Variants in CD248 observed in about 807,000 individuals in gnomAD.
The protein encoded by CD248 is endosialin.
A neutral mutation model predicts 8.0 loss-of-function variants in CD248; 7 were observed. That is an observed-to-expected ratio of 0.88 (90% CI 0.50 to 1.64). The LOEUF is 1.64. Among genes scored for constraint, CD248 ranks in the 40% most tolerant of loss-of-function variants. The pLI is 0.00. For synonymous variants in CD248, 418 were observed against 437.1 expected (o/e 0.96, Z 0.54); for missense variants, 912 against 1,027.2 (o/e 0.89, Z 1.53).
In CD248 at chr11:66,315,353, T is replaced by C; in HGVS notation, c.1675A>G (p.Thr559Ala). The C allele has an allele frequency of 6.3e-7, 1 of 1,591,706 alleles. No homozygotes were observed. The highest frequency in any genetic ancestry group is 8.6e-7 in the Non-Finnish European group (1 of 1,166,668). Residue 559 changes from threonine to alanine, a missense_variant, in exon 1 of 1, where the codon ACC becomes GCC. By Grantham distance (58) the Thr-to-Ala change is moderately conservative. Transcript: ENST00000311330. The surrounding 1 kb of genome is among the most constrained non-coding windows in gnomAD (Gnocchi z 4.3). ...GGGGGTAGCTGGGCACCGAGGGTGG[T>C]GACCAGAGGGGCATGGTTAGGTGGG... ...GIPPNHAPLV[T>A]TLGAQLPPQA...
In CD248 at chr11:66,315,808, G is replaced by C; in HGVS notation, c.1220C>G (p.Ala407Gly). Residue 407 changes from alanine (A) to glycine (G), a missense_variant, in exon 1 of 1, where the codon GCC becomes GGC. Coordinates refer to ENST00000311330, the MANE Select transcript of CD248 (RefSeq NM_020404.3). This position sits in a 1 kb window ranked among gnomAD's most constrained non-coding sequence, Gnocchi z 4.3. ...WMEPTQPPDF[A>G]LAYRPSFPED... ...TGGGAAGCTCGGTCTATAGGCCAGG[G>C]CAAAGTCAGGCGGCTGCGTAGGCTC... The C allele has an allele frequency of 6.2e-7, 1 of 1,613,950 alleles. No individual in the cohort carries two copies. Among genetic ancestry groups the C allele is most frequent in the Non-Finnish European group, 8.5e-7 (1 of 1,179,962 alleles).
chr11:66,316,276 T>C lies in CD248; in HGVS notation c.752A>G (p.Asp251Gly). Residue 251 changes from aspartate to glycine, a missense_variant, in exon 1 of 1, where the codon GAT becomes GGT. By Grantham distance (94) the Asp-to-Gly change is moderately conservative. Transcript: ENST00000311330. ...GCEHECVEEV[D>G]GHVSCRCTEG... is the part of the protein sequence containing the mutation. ...AGTGCAGCGGCAGGACACGTGACCA[T>C]CCACCTCCTCCACACATTCGTGTTC... The C allele has an allele frequency of 6.2e-7, 1 of 1,613,216 alleles. No individual in the cohort carries two copies. The highest frequency in any genetic ancestry group is 8.5e-7 in the Non-Finnish European group (1 of 1,179,814).
Position 66,315,206 on chromosome 11 carries a change from C to T in CD248, c.1822G>A (p.Val608Met). ...GCTGCGGGCTGGGTGGCAGCAGGCA[C>T]AGAGATTTGATGGGCAGGAGACACA... ...SPVSPAHQIS[V>M]PAATQPAALP... The change falls in exon 1 of 1, where the codon GTG becomes ATG. Residue 608 changes from valine (V) to methionine (M), a missense_variant. Physicochemically the swap from Val to Met is conservative, Grantham distance 21. Transcript: ENST00000311330. The surrounding 1 kb of genome is among the most constrained non-coding windows in gnomAD (Gnocchi z 4.3). The T allele has an allele frequency of 2.6e-6, 4 of 1,528,430 alleles. No homozygotes were observed. Among genetic ancestry groups the T allele is most frequent in the Non-Finnish European group, 3.5e-6 (4 of 1,140,898 alleles). The allele number at this position is 1,528,430 out of a possible 1,614,324, so 94.7% of individuals were successfully genotyped here.
rs755022134 is a variant in CD248, at chr11:66,316,530, C to T, written c.498G>A (p.Ala166=). The T allele has an allele frequency of 3.1e-6, 5 of 1,598,930 alleles. No homozygotes were observed. The highest frequency in any genetic ancestry group is 2.2e-5 in the South Asian group (2 of 90,960). ...CQFGFEGACP[A]LQDEAGQAGP... Reference sequence around the variant, plus strand: ...CGGCCTGGCCCGCCTCATCTTGCAGCGCCGGGCAGGCGCCCTCGAAGCCAA... The same window carrying T: ...CGGCCTGGCCCGCCTCATCTTGCAGTGCCGGGCAGGCGCCCTCGAAGCCAA... The change falls in exon 1 of 1, where the codon GCG becomes GCA. Residue 166 remains alanine, a synonymous_variant. Coordinates refer to ENST00000311330, the MANE Select transcript of CD248 (RefSeq NM_020404.3).
At position 66,316,802 on chromosome 11, in the gene CD248, C is replaced by G. The variant is rs1263460307; in HGVS notation, c.226G>C (p.Ala76Pro). The change falls in exon 1 of 1, where the codon GCG becomes CCG. Residue 76 changes from alanine to proline, a missense_variant. Coordinates refer to ENST00000311330, the MANE Select transcript of CD248 (RefSeq NM_020404.3). ...CACAGCAGCCGGCTGGCTGGGCCCGCACCCACCAGGCTGTCCACACGCTGG... is the reference window on the plus strand; with the variant it reads ...CACAGCAGCCGGCTGGCTGGGCCCGGACCCACCAGGCTGTCCACACGCTGG... ...EAQRVDSLVGAGPASRLLWIG... is the reference protein window; with the variant it reads ...EAQRVDSLVGPGPASRLLWIG... The G allele has an allele frequency of 1.2e-5, 19 of 1,588,618 alleles. No individual in the cohort carries two copies. Among genetic ancestry groups the G allele is most frequent in the Non-Finnish European group, 1.6e-5 (19 of 1,174,872 alleles).
In CD248 at chr11:66,316,500, TG is replaced by T; in HGVS notation, c.527del (p.Pro176GlnfsTer39). 1 of 1,596,098 alleles carries T rather than the reference TG, an allele frequency of 6.3e-7. No individual in the cohort carries two copies. The highest frequency in any genetic ancestry group is 8.5e-7 in the Non-Finnish European group (1 of 1,178,406). ...ALQDEAGQAG[P>X]AVYTTPFHLV... The stretch of plus-strand genomic sequence containing the variant: ...GGTGGAAGGGCGTGGTATACACGGC[TG>T]GGCCGGCCTGGCCCGCCTCATCTTG... On this transcript the variant is annotated frameshift_variant, in exon 1 of 1. Transcript: ENST00000311330. LOFTEE classifies it low-confidence loss of function (END_TRUNC).
Position 66,315,329 on chromosome 11 carries a change from G to A in CD248, c.1699C>T (p.Pro567Ser), listed in dbSNP as rs553013457. 9 of 1,572,504 alleles carry A rather than the reference G, an allele frequency of 5.7e-6. No individual in the cohort carries two copies. In the South Asian group the frequency reaches 7.2e-5, roughly 13 times the overall value. ...LVTTLGAQLP[P>S]QAPDALVLRT... ...AGGACAAGGGCATCTGGGGCTTGAG[G>A]GGGTAGCTGGGCACCGAGGGTGGTG... Residue 567 changes from proline (P) to serine (S), a missense_variant, in exon 1 of 1, where the codon CCT becomes TCT. Around this residue, in one of 3 missense-constraint regions of CD248, gnomAD observed 507 missense variants for 562.2 expected, o/e 0.90. Coordinates refer to ENST00000311330, the MANE Select transcript of CD248 (RefSeq NM_020404.3). The surrounding 1 kb of genome is among the most constrained non-coding windows in gnomAD (Gnocchi z 4.3).
Position 66,316,681 on chromosome 11 carries a change from T to C in CD248, c.347A>G (p.Asn116Ser), listed in dbSNP as rs770088737. 1 of 1,606,716 alleles carries C rather than the reference T, an allele frequency of 6.2e-7. No homozygotes were observed. Among genetic ancestry groups the C allele is most frequent in the Non-Finnish European group, 8.5e-7 (1 of 1,179,412 alleles). ...GCCTCCAGAGGCTGGCTGGGCCCAG[T>C]TGGTGAAAGCCGTGTCCTGGTCCCC... ...TTGDQDTAFT[N>S]WAQPASGGPC... Residue 116 changes from asparagine to serine, a missense_variant, in exon 1 of 1, where the codon AAC becomes AGC. This residue lies in a region of CD248 where 403 missense variants were observed against 446.2 expected (regional missense o/e 0.90). Transcript: ENST00000311330.
Position 66,316,320 on chromosome 11 carries a change from G to T in CD248, c.708C>A (p.Ser236Arg). ...CGTGTTCGCAGCCCCCGTTGTCAGGGCTGCAGCCAGTCCCCAGGCACAGGG... is the reference window on the plus strand; with the variant it reads ...CGTGTTCGCAGCCCCCGTTGTCAGGTCTGCAGCCAGTCCCCAGGCACAGGG... ...AGPLCLGTGCSPDNGGCEHEC... is the reference protein window; with the variant it reads ...AGPLCLGTGCRPDNGGCEHEC... The change falls in exon 1 of 1, where the codon AGC becomes AGA. Residue 236 changes from serine (S) to arginine (R), a missense_variant. Ser to Arg is a moderately radical substitution (Grantham distance 110). Around this residue, in one of 3 missense-constraint regions of CD248, gnomAD observed 403 missense variants for 446.2 expected, o/e 0.90. Coordinates refer to ENST00000311330, the MANE Select transcript of CD248 (RefSeq NM_020404.3). 2 of 1,612,670 alleles carry T rather than the reference G, an allele frequency of 1.2e-6. No homozygotes were observed. The highest frequency in any genetic ancestry group is 1.7e-6 in the Non-Finnish European group (2 of 1,179,700).
At position 66,316,933 on chromosome 11, in the gene CD248, C is replaced by T; in HGVS notation, c.95G>A (p.Ser32Asn). The change falls in exon 1 of 1, where the codon AGC becomes AAC. Residue 32 changes from serine to asparagine, a missense_variant. By Grantham distance (46) the Ser-to-Asn change is conservative (BLOSUM62 1). Transcript: ENST00000311330. ...CCGTGGGAAGAGAGCGTAGCAGCTG[C>T]TGGGGCCGCAGGCGGCACGGGGCTC... ...AAEPRAACGP[S>N]SCYALFPRRR... is the part of the protein sequence containing the mutation. 1 of 1,554,422 alleles carries T rather than the reference C, an allele frequency of 6.4e-7. No homozygotes were observed. Among genetic ancestry groups the T allele is most frequent in the East Asian group, 2.4e-5 (1 of 42,280 alleles).
In CD248 at chr11:66,315,836, T is replaced by C; in HGVS notation, c.1192A>G (p.Met398Val). 1 of 1,613,948 alleles carries C rather than the reference T, an allele frequency of 6.2e-7. No individual in the cohort carries two copies. The highest frequency in any genetic ancestry group is 8.5e-7 in the Non-Finnish European group (1 of 1,179,974). The part of the protein sequence containing the change: ...GWTEMPGILW[M>V]EPTQPPDFAL... ...AAGTCAGGCGGCTGCGTAGGCTCCA[T>C]CCACAGGATCCCAGGCATCTCCGTC... Residue 398 changes from methionine to valine, a missense_variant, in exon 1 of 1, where the codon ATG becomes GTG. Transcript: ENST00000311330. This position sits in a 1 kb window ranked among gnomAD's most constrained non-coding sequence, Gnocchi z 4.3.
chr11:66,315,524 A>G lies in CD248; in HGVS notation c.1504T>C (p.Ser502Pro). 1 of 1,613,982 alleles carries G rather than the reference A, an allele frequency of 6.2e-7. No homozygotes were observed. The highest frequency in any genetic ancestry group is 8.5e-7 in the Non-Finnish European group (1 of 1,179,976). ...LPSAYQPGIL[S>P]VSHSAQPPAH... is the part of the protein sequence containing the mutation. Reference sequence around the variant, plus strand: ...GGAGGCTGTGCTGAATGAGAGACAGAGAGAATACCGGGTTGGTAGGCAGAA... The same window carrying G: ...GGAGGCTGTGCTGAATGAGAGACAGGGAGAATACCGGGTTGGTAGGCAGAA... The change falls in exon 1 of 1, where the codon TCT (serine) becomes CCT (proline). Residue 502 changes from serine (S) to proline (P), a missense_variant. Ser to Pro is a moderately conservative substitution (Grantham distance 74). Around this residue, in one of 3 missense-constraint regions of CD248, gnomAD observed 507 missense variants for 562.2 expected, o/e 0.90. Transcript: ENST00000311330. This position sits in a 1 kb window ranked among gnomAD's most constrained non-coding sequence, Gnocchi z 4.3.
chr11:66,314,904 C>T lies in CD248; in HGVS notation c.2124G>A (p.Val708=), dbSNP rs1213369452. 1.2e-6 allele frequency: 2 copies of T among 1,612,716 alleles called. No individual in the cohort carries two copies. Among genetic ancestry groups the T allele is most frequent in the South Asian group, 1.1e-5 (1 of 90,930 alleles). ...CATGGGGGCCACAGCGGGTGCAGTA[C>T]ACGATGCCCAGTGCAAGCAGGACCA... The part of the protein sequence containing the change: ...FLVVLLALGI[V]YCTRCGPHAP... The change falls in exon 1 of 1, where the codon GTG becomes GTA. Residue 708 remains valine (V), a synonymous_variant. Transcript: ENST00000311330. This position sits in a 1 kb window ranked among gnomAD's most constrained non-coding sequence, Gnocchi z 4.0.
At position 66,316,008 on chromosome 11, in the gene CD248, T is replaced by C. The variant is rs1405911471; in HGVS notation, c.1020A>G (p.Gly340=). ...TGATGCCATCAGCCTCCAGCTCATG[T>C]CCCTCGCTACAATAACACTCGAAGC... ...VGGFECYCSE[G]HELEADGISC... Residue 340 remains glycine, a synonymous_variant, in exon 1 of 1, where the codon GGA becomes GGG. Transcript: ENST00000311330. 1 of 1,613,454 alleles carries C rather than the reference T, an allele frequency of 6.2e-7. No individual in the cohort carries two copies. The highest frequency in any genetic ancestry group is 8.5e-7 in the Non-Finnish European group (1 of 1,180,016).
At position 66,316,916 on chromosome 11, in the gene CD248, A is replaced by T. The variant is rs1590910521; in HGVS notation, c.112T>A (p.Phe38Ile). 2 of 1,560,022 alleles carry T rather than the reference A, an allele frequency of 1.3e-6. No homozygotes were observed. Among genetic ancestry groups the T allele is most frequent in the East Asian group, 4.7e-5 (2 of 42,806 alleles). The change falls in exon 1 of 1, where the codon TTC (phenylalanine) becomes ATC (isoleucine). Residue 38 changes from phenylalanine to isoleucine, a missense_variant. Phe to Ile is a conservative substitution (Grantham distance 21). Coordinates refer to ENST00000311330, the MANE Select transcript of CD248 (RefSeq NM_020404.3). ...ACGPSSCYAL[F>I]PRRRTFLEAW... ...TCCAGGAAGGTGCGGCGCCGTGGGA[A>T]GAGAGCGTAGCAGCTGCTGGGGCCG... is the stretch of plus-strand genomic sequence containing the variant.
Position 66,316,784 on chromosome 11 carries a change from G to A in CD248, c.244C>T (p.Leu82=). The part of the protein sequence containing the change: ...SLVGAGPASR[L]LWIGLQRQAR... ...TGCCGCTGCAGCCCGATCCACAGCA[G>A]CCGGCTGGCTGGGCCCGCACCCACC... Residue 82 remains leucine (L), a synonymous_variant, in exon 1 of 1, where the codon CTG becomes TTG. Transcript: ENST00000311330. 6.3e-7 allele frequency: 1 copy of A among 1,595,354 alleles called. No individual in the cohort carries two copies. Among genetic ancestry groups the A allele is most frequent in the Non-Finnish European group, 8.5e-7 (1 of 1,177,956 alleles).
chr11:66,315,874 A>G lies in CD248; in HGVS notation c.1154T>C (p.Phe385Ser). 6.2e-7 allele frequency: 1 copy of G among 1,613,888 alleles called. No individual in the cohort carries two copies. The highest frequency in any genetic ancestry group is 1.1e-5 in the South Asian group (1 of 91,086). ...EEDEDEAWKA[F>S]NGGWTEMPGI... ...AGGCATCTCCGTCCAGCCACCGTTG[A>G]AGGCCTTCCAGGCCTCGTCTTCATC... Residue 385 changes from phenylalanine (F) to serine (S), a missense_variant, in exon 1 of 1, where the codon TTC (phenylalanine) becomes TCC (serine). Physicochemically the swap from Phe to Ser is radical, Grantham distance 155 (BLOSUM62 -2). Coordinates refer to ENST00000311330, the MANE Select transcript of CD248 (RefSeq NM_020404.3). The surrounding 1 kb of genome is among the most constrained non-coding windows in gnomAD (Gnocchi z 4.3).
In CD248 at chr11:66,316,430, C is replaced by T. The variant is rs751885626; in HGVS notation, c.598G>A (p.Ala200Thr). Residue 200 changes from alanine (A) to threonine (T), a missense_variant, in exon 1 of 1, where the codon GCT (alanine) becomes ACT (threonine). By Grantham distance (58) the Ala-to-Thr change is moderately conservative. Around this residue, in one of 3 missense-constraint regions of CD248, gnomAD observed 403 missense variants for 446.2 expected, o/e 0.90. Coordinates refer to ENST00000311330, the MANE Select transcript of CD248 (RefSeq NM_020404.3). The stretch of plus-strand genomic sequence containing the variant: ...CCCCTGCCAGCCTGGCACTGCACAG[C>T]GGCCACAGAGCCGAAGGGCAGCCAC... ...FEWLPFGSVAAVQCQAGRGAS... is the reference protein window; with the variant it reads ...FEWLPFGSVATVQCQAGRGAS... 5.4e-5 allele frequency: 86 copies of T among 1,603,878 alleles called. No homozygotes were observed. The highest frequency in any genetic ancestry group is 1.5e-4 in the Admixed American group (9 of 59,986).
chr11:66,315,975 G>C lies in CD248; in HGVS notation c.1053C>G (p.Ser351Arg). 1 of 1,613,376 alleles carries C rather than the reference G, an allele frequency of 6.2e-7. No homozygotes were observed. The highest frequency in any genetic ancestry group is 8.5e-7 in the Non-Finnish European group (1 of 1,180,014). ...HELEADGISC[S>R]PAGAMGAQAS... is the part of the protein sequence containing the mutation. ...CCTGGGCACCCATGGCCCCTGCAGG[G>C]CTGCAGCTGATGCCATCAGCCTCCA... The change falls in exon 1 of 1, where the codon AGC becomes AGG. Residue 351 changes from serine to arginine, a missense_variant. By Grantham distance (110) the Ser-to-Arg change is moderately radical. Around this residue, in one of 3 missense-constraint regions of CD248, gnomAD observed 507 missense variants for 562.2 expected, o/e 0.90. Transcript: ENST00000311330. The surrounding 1 kb of genome is among the most constrained non-coding windows in gnomAD (Gnocchi z 4.3).
Sources: allele counts gnomAD v4.1 joint callset, GRCh38; gene constraint gnomAD v4.1.1; regional missense constraint gnomAD v4.1.1; non-coding constraint Gnocchi (gnomAD v3.1); transcripts MANE v1.5; gene names NCBI Gene and HGNC (gene_info 2026-07-23, HGNC 2026-07-21).